SHROOM3: variants seen among roughly 807,000 people sequenced by gnomAD.
The protein encoded by SHROOM3 is shroom family member 3, also known as protein Shroom3.
A neutral mutation model predicts 138.6 loss-of-function variants in SHROOM3; 47 were observed. That is an observed-to-expected ratio of 0.34 (90% CI 0.27 to 0.43). SHROOM3 has a LOEUF of 0.43. Ranked by LOEUF, SHROOM3 falls within the 20% of genes least tolerant of loss-of-function variation. The pLI, the probability that SHROOM3 is intolerant of heterozygous loss-of-function variation, is 1.00. For synonymous variants in SHROOM3, 1,062 were observed against 1,063.3 expected (o/e 1.00, Z 0.02); for missense variants, 2,491 against 2,596.5 (o/e 0.96, Z 0.88).
At chr4:76,726,498 T>G (rs1720708634) in intron 3 of SHROOM3, among the ~76,000 whole-genome samples, 1 of 147,204 alleles carries the variant, frequency 6.8e-6, no homozygotes, top group African/African-American at 2.5e-5. Context: ...ATCAGCATCC[T>G]GCTTATTTCC....
chr4:76,563,194 C>A (rs73828105), intron 2 of SHROOM3, among the ~76,000 whole-genome samples: 13 of 152,102 alleles, frequency 8.5e-5, no homozygotes, highest in Non-Finnish European at 1.9e-4. Flanking sequence ...TCATAAGGAG[C>A]TTCTATTGTA....
chr4:76,509,351 G>C (rs1732283874), intron 1 of SHROOM3: 1 of 152,140 alleles, frequency 6.6e-6, no homozygotes, highest in African/African-American at 2.4e-5. Flanking sequence ...TGTAGGGTTT[G>C]GAGTAGCTGT....
intron 9 of SHROOM3, among the ~76,000 whole-genome samples, chr4:76,769,116 GTGTGT>G (rs1224050252): frequency 6.6e-6 from 1 of 150,648 alleles, no homozygotes; most frequent in African/African-American, 2.4e-5. Context: ...TTTTTTGTGT[GTGTGT>G]TTTTTTTTTC....
chr4:76,539,484 A>G (rs745672079), intron 1 of SHROOM3, among the ~76,000 whole-genome samples: 1 of 152,234 alleles, frequency 6.6e-6, no homozygotes, highest in Non-Finnish European at 1.5e-5. Context: ...ACTGTGAGGT[A>G]TATAAGTGAG....
chr4:76,641,870 TAGAA>T (rs905025999), intron 2 of SHROOM3, among the ~76,000 whole-genome samples: 1 of 152,062 alleles, frequency 6.6e-6, no homozygotes, highest in African/African-American at 2.4e-5. Context: ...GTGAACTAAA[TAGAA>T]AGGAAGATGG....
At chr4:76,680,403 T>G (rs920405733) in intron 2 of SHROOM3, among the ~76,000 whole-genome samples, 2 of 152,210 alleles carry the variant, frequency 1.3e-5, no homozygotes, top group Non-Finnish European at 2.9e-5. Context: ...CCTCCCAAAG[T>G]ACTGGGATTA....
At position 76,485,986 on chromosome 4, in the gene SHROOM3, A is replaced by G. The variant is rs1731721446; in HGVS notation, c.168+49766A>G. Among the ~76,000 whole-genome samples the G allele has an allele frequency of 4.6e-5, 7 of 152,090 alleles. No homozygotes were observed. In the South Asian group the frequency reaches 1.4e-3, roughly 31 times the overall value. On this transcript the variant is annotated intron_variant, in intron 1 of 10. Transcript: ENST00000296043. Reference sequence around the variant, plus strand: ...TTTTCTGTTTTTCTCCTTCTTAAACACAAGTGGAATTTTTATTTTATTTAT... The same window carrying G: ...TTTTCTGTTTTTCTCCTTCTTAAACGCAAGTGGAATTTTTATTTTATTTAT...
chr4:76,609,280 T>C (rs1734712722), intron 2 of SHROOM3, among the ~76,000 whole-genome samples: 1 of 152,156 alleles, frequency 6.6e-6, no homozygotes. Context: ...CAATCTGTTT[T>C]GGTATGTTTG....
At chr4:76,500,156 G>A (rs540428765) in intron 1 of SHROOM3, among the ~76,000 whole-genome samples, 418 of 152,210 alleles carry the variant, frequency 2.7e-3, no homozygotes, top group Non-Finnish European at 4.5e-3. Flanking sequence ...TCTGCTAGCC[G>A]CTCCAGATCT....
intron 1 of SHROOM3, among the ~76,000 whole-genome samples, chr4:76,519,354 G>A (rs1732514353): frequency 6.6e-6 from 1 of 152,176 alleles, no homozygotes; most frequent in Non-Finnish European, 1.5e-5. Context: ...AATGTTCAGA[G>A]GGTGCATTTA....
At chr4:76,504,066 A>G (rs1732154013) in intron 1 of SHROOM3, among the ~76,000 whole-genome samples, 1 of 152,198 alleles carries the variant, frequency 6.6e-6, no homozygotes, top group Admixed American at 6.5e-5. Flanking sequence ...GTAAACATGG[A>G]AAGGAAGAGA....
At position 76,738,902 on chromosome 4, in the gene SHROOM3, C is replaced by T. The variant is rs752570250; in HGVS notation, c.729C>T (p.Thr243=). 64 of 1,614,108 alleles carry T rather than the reference C, an allele frequency of 4.0e-5. No individual in the cohort carries two copies. Among genetic ancestry groups the T allele is most frequent in the Non-Finnish European group, 4.9e-5 (58 of 1,180,050 alleles). ...PPCHLSPAKS[T]GSIDQLSHFH... ...GTCATCTTTCCCCTGCCAAGTCCAC[C>T]GGCAGCATTGACCAGCTCAGCCACT... The change falls in exon 5 of 11, where the codon ACC becomes ACT. Residue 243 remains threonine (T), a synonymous_variant. Coordinates refer to ENST00000296043, the MANE Select transcript of SHROOM3 (RefSeq NM_020859.4).
intron 2 of SHROOM3, 85 bp downstream of exon 2, chr4:76,555,848 C>A: frequency 6.7e-7 from 1 of 1,489,482 alleles, no homozygotes; most frequent in East Asian, 2.4e-5. Context: ...GAAAAGAGCT[C>A]GGGGTTGGTA....
intron 2 of SHROOM3, among the ~76,000 whole-genome samples, chr4:76,682,827 G>A (rs1719238490): frequency 6.6e-6 from 1 of 152,120 alleles, no homozygotes; most frequent in Admixed American, 6.5e-5. Flanking sequence ...TTAATTCCTT[G>A]TCTCCAGGAA....
In SHROOM3 at chr4:76,780,578, C is replaced by T. The variant is rs531827575; in HGVS notation, c.*1401C>T. On this transcript the variant is annotated 3_prime_UTR_variant, in exon 11 of 11. Transcript: ENST00000296043. ...ACAAGGGAACCAAATGCTCCTTCTCCCCTTAGTACATTTTCATTACTTAAT... is the reference window on the plus strand; with the variant it reads ...ACAAGGGAACCAAATGCTCCTTCTCTCCTTAGTACATTTTCATTACTTAAT... 1.7e-4 allele frequency: 26 copies of T among 151,882 alleles called. No homozygotes were observed. Among genetic ancestry groups the T allele is most frequent in the Non-Finnish European group, 3.1e-4 (21 of 67,972 alleles). 9.4% of individuals were successfully genotyped at this position (151,882 alleles called of 1,614,324 possible). A position where few individuals can be genotyped will look rare whatever the true frequency, so the allele number is the denominator to read the frequency against.
intron 3 of SHROOM3, among the ~76,000 whole-genome samples, chr4:76,729,906 C>T (rs1720825189): frequency 6.6e-6 from 1 of 152,184 alleles, no homozygotes; most frequent in Non-Finnish European, 1.5e-5. Flanking sequence ...CTATTATTTT[C>T]ACCATATCCA....
At chr4:76,499,899 A>G (rs9684685) in intron 1 of SHROOM3, among the ~76,000 whole-genome samples, 17,581 of 152,240 alleles carry the variant, frequency 0.12, 1,143 homozygotes, top group South Asian at 0.2. Context: ...TGTGAAGGGC[A>G]AAGCTTAAAA....
intron 1 of SHROOM3, among the ~76,000 whole-genome samples, chr4:76,496,538 C>T (rs967385046): frequency 3.3e-5 from 5 of 152,182 alleles, no homozygotes; most frequent in African/African-American, 1.2e-4. Context: ...TGTTCTTGGA[C>T]TCATTGACCC....
chr4:76,505,899 C>G (rs1231632005), intron 1 of SHROOM3, among the ~76,000 whole-genome samples: 1 of 151,982 alleles, frequency 6.6e-6, no homozygotes, highest in Non-Finnish European at 1.5e-5. Context: ...GATCCTTCTG[C>G]CTCCTCCTCC....
Sources: allele counts gnomAD v4.1 joint callset (sites outside exome capture counted in the v4.1 genomes callset), GRCh38; gene constraint gnomAD v4.1.1; transcripts MANE v1.5; gene names NCBI Gene and HGNC (gene_info 2026-07-23, HGNC 2026-07-21).